The following APOE variants were observed in gnomAD, a reference collection of about 807,000 sequenced individuals.
APOE encodes the protein apolipoprotein E.
APOE carries 10 observed loss-of-function variants against 13.1 expected under a neutral mutation model. That is an observed-to-expected ratio of 0.76 (90% CI 0.47 to 1.29). APOE has a LOEUF of 1.29. APOE is among the 50% of genes most tolerant of loss of function. The probability of loss-of-function intolerance (pLI) is 0.00; values close to 1 mark genes in which losing one functional copy is unlikely to be tolerated. For missense variants in APOE, 471 were observed against 459.6 expected (o/e 1.02, Z -0.23); for synonymous variants, 211 against 207.1 (o/e 1.02, Z -0.16).
chr19:44,907,891 CAG>C lies in APOE; in HGVS notation c.177_178del (p.Gln59HisfsTer4). The C allele has an allele frequency of 6.2e-7, 1 of 1,614,012 alleles. No homozygotes were observed. Among genetic ancestry groups the C allele is most frequent in the Non-Finnish European group, 8.5e-7 (1 of 1,179,944 alleles). ...GRFWDYLRWV[Q>X]TLSEQVQEEL... ...CTTTTGGGATTACCTGCGCTGGGTG[CAG>C]ACACTGTCTGAGCAGGTGCAGGAGG... On this transcript the variant is annotated frameshift_variant, in exon 3 of 4. Transcript: ENST00000252486. LOFTEE classifies it high-confidence loss of function. The surrounding 1 kb of genome is among the most constrained non-coding windows in gnomAD (Gnocchi z 4.1).
Position 44,905,852 on chromosome 19 carries a change from C to T in APOE, c.-24+11C>T, listed in dbSNP as rs1225348318. On this transcript the variant is annotated intron_variant, in intron 1 of 3. Transcript: ENST00000252486. ...CTTCCCCAGGAGCCGGTGAGAAGCG[C>T]AGTCGGGGGCACGGGGATGAGCTCA... 3 of 1,295,858 alleles carry T rather than the reference C, an allele frequency of 2.3e-6. No homozygotes were observed. The highest frequency in any genetic ancestry group is 3.0e-6 in the Non-Finnish European group (3 of 986,008). 80.3% of individuals were successfully genotyped at this position (1,295,858 alleles called of 1,614,324 possible). A position where few individuals can be genotyped will look rare whatever the true frequency, so the allele number is the denominator to read the frequency against.
Position 44,906,627 on chromosome 19 carries a change from GA to G in APOE, c.5del (p.Lys2ArgfsTer77). 1 of 1,614,132 alleles carries G rather than the reference GA, an allele frequency of 6.2e-7. No individual in the cohort carries two copies. The highest frequency in any genetic ancestry group is 1.1e-5 in the South Asian group (1 of 91,082). On this transcript the variant is annotated frameshift_variant, in exon 2 of 4. Transcript: ENST00000252486. LOFTEE classifies it high-confidence loss of function. M[K>X]VLWAALLVTF... is the part of the protein sequence containing the mutation. ...ACTGGCCAATCACAGGCAGGAAGAT[GA>G]AGGTTCTGTGGGCTGCGTTGCTGGT...
intron 1 of APOE, chr19:44,906,346 A>C: frequency 3.7e-6 from 2 of 543,020 alleles, no homozygotes; most frequent in Non-Finnish European, 3.3e-6. Context: ...GGGTGGGGGG[A>C]TGGAATTTGA....
Position 44,905,806 on chromosome 19 carries a change from C to T in APOE, c.-59C>T, listed in dbSNP as rs1969795010. On this transcript the variant is annotated 5_prime_UTR_variant, in exon 1 of 4. Coordinates refer to ENST00000252486, the MANE Select transcript of APOE (RefSeq NM_000041.4). ...TGGGATCCTTGAGTCCTACTCAGCC[C>T]CAGCGGAGGTGAAGGACGTCCTTCC... 1 of 1,271,300 alleles carries T rather than the reference C, an allele frequency of 7.9e-7. No homozygotes were observed. Among genetic ancestry groups the T allele is most frequent in the Non-Finnish European group, 1.0e-6 (1 of 962,192 alleles). 78.8% of individuals were successfully genotyped at this position (1,271,300 alleles called of 1,614,324 possible). A position where few individuals can be genotyped will look rare whatever the true frequency, so the allele number is the denominator to read the frequency against.
intron 3 of APOE, 34 bp from the exon 4 acceptor site, chr19:44,908,499 A>T (rs1969852507): frequency 6.3e-6 from 10 of 1,584,704 alleles, no homozygotes; most frequent in Non-Finnish European, 8.6e-6. Flanking sequence ...CCCGCCTCCC[A>T]CTGTGCGACA....
rs748145618 is a variant in APOE, at chr19:44,908,516, C to T, written c.237-17C>T. The T allele has an allele frequency of 8.1e-6, 13 of 1,607,934 alleles. No homozygotes were observed. Among genetic ancestry groups the T allele is most frequent in the South Asian group, 5.8e-5 (5 of 86,364 alleles). On this transcript the variant is annotated splice_polypyrimidine_tract_variant and intron_variant, in intron 3 of 3. Transcript: ENST00000252486. ...CGCCTCCCACTGTGCGACACCCTCC[C>T]GCCCTCTCGGCCGCAGGGCGCTGAT...
intron 1 of APOE, 54 bp downstream of exon 1, chr19:44,905,895 C>T: frequency 7.7e-7 from 1 of 1,296,772 alleles, no homozygotes; most frequent in Non-Finnish European, 1.0e-6. Flanking sequence ...CTAGAAAGAG[C>T]TGGGACCCTG....
intron 2 of APOE, 25 bp downstream of exon 2, chr19:44,906,692 TCCCCCCGCTCC>T (rs778190849): frequency 6.2e-7 from 1 of 1,610,570 alleles, no homozygotes; most frequent in East Asian, 2.2e-5. Flanking sequence ...CTTGCTCGGT[TCCCCCCGCTCC>T]TCCCCCTCTC....
In APOE at chr19:44,907,159, AG is replaced by A. The variant is rs1162579734; in HGVS notation, c.43+494del. On this transcript the variant is annotated intron_variant, in intron 2 of 3. Coordinates refer to ENST00000252486, the MANE Select transcript of APOE (RefSeq NM_000041.4). This position sits in a 1 kb window ranked among gnomAD's most constrained non-coding sequence, Gnocchi z 4.1. ...CGATCTCCCAAAGTGCTGGGATTAC[AG>A]GCGTGAGCCACCGCACCTGGCTGGG... 5.1e-6 allele frequency: 1 copy of A among 194,480 alleles called. No homozygotes were observed. The highest frequency in any genetic ancestry group is 1.1e-5 in the Non-Finnish European group (1 of 93,142). 12.0% of individuals were successfully genotyped at this position (194,480 alleles called of 1,614,324 possible).
chr19:44,907,377 A>T lies in APOE; in HGVS notation c.44-383A>T. The T allele has an allele frequency of 3.2e-6, 1 of 308,240 alleles. No homozygotes were observed. Among genetic ancestry groups the T allele is most frequent in the Non-Finnish European group, 6.4e-6 (1 of 156,004 alleles). The allele number at this position is 308,240 out of a possible 1,614,324, so 19.1% of individuals were successfully genotyped here. The stretch of plus-strand genomic sequence containing the variant: ...TTTGGGAGGCCAAGGTGGGAGGATC[A>T]CTTGAGCCCAGGAGTTCAACACCAG... On this transcript the variant is annotated intron_variant, in intron 2 of 3. Coordinates refer to ENST00000252486, the MANE Select transcript of APOE (RefSeq NM_000041.4). The surrounding 1 kb of genome is among the most constrained non-coding windows in gnomAD (Gnocchi z 4.1).
Position 44,907,492 on chromosome 19 carries a change from G to T in APOE, c.44-268G>T, listed in dbSNP as rs1969829881. On this transcript the variant is annotated intron_variant, in intron 2 of 3. Transcript: ENST00000252486. This position sits in a 1 kb window ranked among gnomAD's most constrained non-coding sequence, Gnocchi z 4.1. ...CACACCTGTGCTCTCAGCTACTCAGGAGGCTGAGGCAGGAGGATCGCTTGA... is the reference window on the plus strand; with the variant it reads ...CACACCTGTGCTCTCAGCTACTCAGTAGGCTGAGGCAGGAGGATCGCTTGA... Among the ~76,000 whole-genome samples the T allele has an allele frequency of 6.6e-6, 1 of 152,194 alleles. No homozygotes were observed. Among genetic ancestry groups the T allele is most frequent in the Admixed American group, 6.5e-5 (1 of 15,288 alleles).
intron 1 of APOE, chr19:44,906,349 G>T: frequency 1.8e-6 from 1 of 564,226 alleles, no homozygotes; most frequent in Non-Finnish European, 3.2e-6. Context: ...TGGGGGGATG[G>T]AATTTGAACC....
Position 44,909,347 on chromosome 19 carries a change from T to C in APOE, c.*97T>C, listed in dbSNP as rs573693195. On this transcript the variant is annotated 3_prime_UTR_variant, in exon 4 of 4. Coordinates refer to ENST00000252486, the MANE Select transcript of APOE (RefSeq NM_000041.4). ...GACCCTGTCCCCGCCCCAGCCGTCC[T>C]CCTGGGGTGGACCCTAGTTTAATAA... 4.4e-6 allele frequency: 5 copies of C among 1,143,176 alleles called. No individual in the cohort carries two copies. In the African/African-American group the frequency reaches 7.6e-5, roughly 17 times the overall value. The allele number at this position is 1,143,176 out of a possible 1,614,324, so 70.8% of individuals were successfully genotyped here.
rs998903358 is a variant in APOE, at chr19:44,905,805, C to T, written c.-60C>T. On this transcript the variant is annotated 5_prime_UTR_variant, in exon 1 of 4. Coordinates refer to ENST00000252486, the MANE Select transcript of APOE (RefSeq NM_000041.4). ...CTGGGATCCTTGAGTCCTACTCAGC[C>T]CCAGCGGAGGTGAAGGACGTCCTTC... 7.9e-7 allele frequency: 1 copy of T among 1,268,060 alleles called. No individual in the cohort carries two copies. Among genetic ancestry groups the T allele is most frequent in the Non-Finnish European group, 1.0e-6 (1 of 959,716 alleles). The allele number at this position is 1,268,060 out of a possible 1,614,324, so 78.6% of individuals were successfully genotyped here. A position where few individuals can be genotyped will look rare whatever the true frequency, so the allele number is the denominator to read the frequency against.
chr19:44,908,803 T>C lies in APOE; in HGVS notation c.507T>C (p.Asp169=), dbSNP rs1312923493. ...AGCTGCGTAAGCGGCTCCTCCGCGA[T>C]GCCGATGACCTGCAGAAGCGCCTGG... ...LRKLRKRLLR[D]ADDLQKRLAV... is the part of the protein sequence containing the mutation. Residue 169 remains aspartate, a synonymous_variant, in exon 4 of 4, where the codon GAT becomes GAC. Transcript: ENST00000252486. 1.1e-5 allele frequency: 17 copies of C among 1,548,706 alleles called. No homozygotes were observed. The highest frequency in any genetic ancestry group is 1.5e-5 in the Non-Finnish European group (17 of 1,151,470).
Position 44,907,491 on chromosome 19 carries a change from G to C in APOE, c.44-269G>C, listed in dbSNP as rs541906992. Among the ~76,000 whole-genome samples, 2 of 152,176 alleles carry C rather than the reference G, an allele frequency of 1.3e-5. No homozygotes were observed. Among genetic ancestry groups the C allele is most frequent in the Non-Finnish European group, 2.9e-5 (2 of 68,022 alleles). ...ACACACCTGTGCTCTCAGCTACTCA[G>C]GAGGCTGAGGCAGGAGGATCGCTTG... On this transcript the variant is annotated intron_variant, in intron 2 of 3. Transcript: ENST00000252486. This position sits in a 1 kb window ranked among gnomAD's most constrained non-coding sequence, Gnocchi z 4.1.
At position 44,906,311 on chromosome 19, in the gene APOE, T is replaced by A. The variant is rs13306211; in HGVS notation, c.-23-291T>A. The A allele has an allele frequency of 1.7e-4, 79 of 477,550 alleles. No homozygotes were observed. In the East Asian group the frequency reaches 2.8e-3, roughly 17 times the overall value. 29.6% of individuals were successfully genotyped at this position (477,550 alleles called of 1,614,324 possible). A position where few individuals can be genotyped will look rare whatever the true frequency, so the allele number is the denominator to read the frequency against. On this transcript the variant is annotated intron_variant, in intron 1 of 3. Transcript: ENST00000252486. ...AGAATGAGGAATGCGAGACTGGGAC[T>A]GAGATGGAACCGGCGGTGGGGAGGG...
chr19:44,907,779 G>T lies in APOE; in HGVS notation c.63G>T (p.Glu21Asp). 6.2e-7 allele frequency: 1 copy of T among 1,612,308 alleles called. No individual in the cohort carries two copies. Among genetic ancestry groups the T allele is most frequent in the Non-Finnish European group, 8.5e-7 (1 of 1,179,742 alleles). The change falls in exon 3 of 4, where the codon GAG becomes GAT. Residue 21 changes from glutamate (E) to aspartate (D), a missense_variant. Coordinates refer to ENST00000252486, the MANE Select transcript of APOE (RefSeq NM_000041.4). This position sits in a 1 kb window ranked among gnomAD's most constrained non-coding sequence, Gnocchi z 4.1. ...ACACAGGATGCCAGGCCAAGGTGGA[G>T]CAAGCGGTGGAGACAGAGCCGGAGC... ...TFLAGCQAKV[E>D]QAVETEPEPE... is the part of the protein sequence containing the mutation.
In APOE at chr19:44,907,978, A is replaced by T; in HGVS notation, c.236+26A>T. 6.2e-7 allele frequency: 1 copy of T among 1,607,686 alleles called. No individual in the cohort carries two copies. Among genetic ancestry groups the T allele is most frequent in the Non-Finnish European group, 8.5e-7 (1 of 1,177,702 alleles). Reference sequence around the variant, plus strand: ...GTGAGTGTCCCCATCCTGGCCCTTGACCCTCCTGGTGGGCGGCTATACCTC... The same window carrying T: ...GTGAGTGTCCCCATCCTGGCCCTTGTCCCTCCTGGTGGGCGGCTATACCTC... On this transcript the variant is annotated intron_variant, in intron 3 of 3. Coordinates refer to ENST00000252486, the MANE Select transcript of APOE (RefSeq NM_000041.4). This position sits in a 1 kb window ranked among gnomAD's most constrained non-coding sequence, Gnocchi z 4.1.
Sources: allele counts gnomAD v4.1 joint callset (sites outside exome capture counted in the v4.1 genomes callset), GRCh38; gene constraint gnomAD v4.1.1; non-coding constraint Gnocchi (gnomAD v3.1); transcripts MANE v1.5; gene names NCBI Gene and HGNC (gene_info 2026-07-23, HGNC 2026-07-21).